TDRD9: variants seen among roughly 807,000 people sequenced by gnomAD.
TDRD9 encodes the protein tudor domain containing 9, also known as ATP-dependent RNA helicase TDRD9.
TDRD9 carries 124 observed loss-of-function variants against 172.6 expected under a neutral mutation model. The observed-to-expected ratio is 0.72, with a 90% confidence interval of 0.62 to 0.83. The LOEUF (loss-of-function observed/expected upper bound fraction) is 0.83. Ranked by LOEUF, TDRD9 falls within the 40% of genes least tolerant of loss-of-function variation. The pLI is 0.00. For missense variants in TDRD9, 1,479 were observed against 1,714.1 expected, an observed-to-expected ratio of 0.86 and a Z score of 2.42; for synonymous variants, 619 against 617.1, an observed-to-expected ratio of 1.00 and a Z score of -0.05.
chr14:103,998,491 G>A (rs946103762), intron 12 of TDRD9, 133 bp from the exon 13 acceptor site: 43 of 633,338 alleles, frequency 6.8e-5, no homozygotes, highest in Non-Finnish European at 1.1e-4. Context: ...TCGGTGCGTG[G>A]CCAAACGTTT....
At chr14:103,951,140 C>CA (rs986931137) in intron 1 of TDRD9, among the ~76,000 whole-genome samples, 3 of 151,932 alleles carry the variant, frequency 2.0e-5, no homozygotes, top group South Asian at 2.1e-4. Flanking sequence ...AAAAAACCAA[C>CA]AAAAAAAATC....
intron 1 of TDRD9, chr14:103,941,676 A>T: frequency 1.3e-6 from 2 of 1,520,776 alleles, no homozygotes; most frequent in Non-Finnish European, 1.8e-6. Context: ...GGGCCATTTC[A>T]TCCAGCCAAA....
intron 6 of TDRD9, among the ~76,000 whole-genome samples, chr14:103,972,521 G>T (rs935115189): frequency 6.6e-6 from 1 of 152,170 alleles, no homozygotes; most frequent in Non-Finnish European, 1.5e-5. Context: ...CCAAAATGGC[G>T]AAGGGTTTAG....
At chr14:103,955,075 G>A (rs2032130244) in intron 1 of TDRD9, among the ~76,000 whole-genome samples, 1 of 151,546 alleles carries the variant, frequency 6.6e-6, no homozygotes, top group South Asian at 2.1e-4. Flanking sequence ...ACAGGCATGA[G>A]CCCACACCCG....
At chr14:103,998,421 A>C (rs1367650030) in intron 12 of TDRD9, among the ~76,000 whole-genome samples, 2 of 151,092 alleles carry the variant, frequency 1.3e-5, no homozygotes, top group African/African-American at 2.4e-5. Context: ...ACACCTAGAG[A>C]CTCCCTGTAC....
chr14:103,938,438 A>ATTTTTTTTTTTT (rs1354196439), intron 1 of TDRD9, among the ~76,000 whole-genome samples: 12 of 41,756 alleles, frequency 2.9e-4, no homozygotes, highest in African/African-American at 4.5e-4. Flanking sequence ...ATATATATAT[A>ATTTTTTTTTTTT]TATTTTTTTT....
chr14:103,983,412 T>G (rs1160412918), intron 7 of TDRD9, among the ~76,000 whole-genome samples: 5 of 152,252 alleles, frequency 3.3e-5, no homozygotes, highest in African/African-American at 4.8e-5. Context: ...CTTAATTTAC[T>G]CTAAGTAAAA....
chr14:104,040,152 A>T, intron 32 of TDRD9, 44 bp from the exon 33 acceptor site: 1 of 1,373,250 alleles, frequency 7.3e-7, no homozygotes, highest in Non-Finnish European at 9.5e-7. Flanking sequence ...CATATACTTT[A>T]ACAATTCTGA....
chr14:103,933,303 G>A (rs17792891), intron 1 of TDRD9, among the ~76,000 whole-genome samples: 13,019 of 152,234 alleles, frequency 0.086, 753 homozygotes, highest in Middle Eastern at 0.16. Flanking sequence ...GGAGCCTTGC[G>A]TCACTCCCAG....
intron 10 of TDRD9, 53 bp from the exon 11 acceptor site, chr14:103,994,466 G>T (rs972191670): frequency 2.5e-6 from 4 of 1,603,210 alleles, no homozygotes; most frequent in East Asian, 2.2e-5. Flanking sequence ...ATTTATTTTT[G>T]TATCTCATGT....
At chr14:103,943,213 C>T (rs2031346725) in intron 1 of TDRD9, among the ~76,000 whole-genome samples, 1 of 151,902 alleles carries the variant, frequency 6.6e-6, no homozygotes, top group South Asian at 2.1e-4. Flanking sequence ...TCACTGTAGC[C>T]TCGACCTCCT....
At chr14:103,991,265 C>G (rs1467364572) in intron 9 of TDRD9, 41 bp downstream of exon 9, 2 of 1,603,606 alleles carry the variant, frequency 1.2e-6, no homozygotes, top group East Asian at 2.2e-5. Flanking sequence ...TCATAATACT[C>G]TGGAGAGAGG....
intron 1 of TDRD9, among the ~76,000 whole-genome samples, chr14:103,945,840 A>G (rs932561553): frequency 1.3e-5 from 2 of 152,244 alleles, no homozygotes; most frequent in African/African-American, 4.8e-5. Flanking sequence ...TGGAACCTTG[A>G]AAAGCAAGCT....
At chr14:103,946,865 G>A (rs1156913444) in intron 1 of TDRD9, among the ~76,000 whole-genome samples, 5 of 152,182 alleles carry the variant, frequency 3.3e-5, no homozygotes, top group South Asian at 2.1e-4. Context: ...AATGAGAAGT[G>A]CAAAACATTG....
At chr14:103,944,804 A>G (rs529846470) in intron 1 of TDRD9, among the ~76,000 whole-genome samples, 2 of 152,156 alleles carry the variant, frequency 1.3e-5, no homozygotes, top group South Asian at 2.1e-4. Flanking sequence ...ACTTCAAGTG[A>G]TCTGTTCGTC....
intron 2 of TDRD9, among the ~76,000 whole-genome samples, chr14:103,957,823 G>A (rs960372317): frequency 6.6e-6 from 1 of 152,234 alleles, no homozygotes; most frequent in East Asian, 1.9e-4. Context: ...TAGCGTGCCG[G>A]ATGGATTACC....
intron 33 of TDRD9, among the ~76,000 whole-genome samples, chr14:104,040,623 G>A (rs777727372): frequency 1.3e-5 from 2 of 152,202 alleles, no homozygotes; most frequent in Admixed American, 1.3e-4. Context: ...GCTAAACCAC[G>A]GGGCTGTAGG....
Position 103,995,755 on chromosome 14 carries a change from T to C in TDRD9, c.1326T>C (p.Ile442=), listed in dbSNP as rs948517444. Residue 442 remains isoleucine, a synonymous_variant, in exon 12 of 36, where the codon ATT becomes ATC. Coordinates refer to ENST00000409874, the MANE Select transcript of TDRD9 (RefSeq NM_153046.3). ...LSPVPGYRKI[I]LSTNIAESSV... is the part of the protein sequence containing the mutation. ...TTTTCTTTGATGTTTAACAGATTAT[T>C]CTGTCCACCAATATTGCAGAGAGTT... 14 of 1,605,168 alleles carry C rather than the reference T, an allele frequency of 8.7e-6. No individual in the cohort carries two copies. The highest frequency in any genetic ancestry group is 9.3e-6 in the Non-Finnish European group (11 of 1,176,500).
At chr14:104,049,267 T>G (rs901191229) in intron 34 of TDRD9, among the ~76,000 whole-genome samples, 2 of 152,132 alleles carry the variant, frequency 1.3e-5, no homozygotes, top group African/African-American at 4.8e-5. Flanking sequence ...CTGATGATAT[T>G]TCCAACTTGT....
Sources: allele counts gnomAD v4.1 joint callset (sites outside exome capture counted in the v4.1 genomes callset), GRCh38; gene constraint gnomAD v4.1.1; transcripts MANE v1.5; gene names NCBI Gene and HGNC (gene_info 2026-07-23, HGNC 2026-07-21).